The following NBAS variants were observed in gnomAD, a reference collection of about 807,000 sequenced individuals.
The protein encoded by NBAS is NAG/BC035112 fusion.
NBAS carries 219 observed loss-of-function variants against 302.5 expected under a neutral mutation model. That is an observed-to-expected ratio of 0.72 (90% confidence interval 0.65 to 0.81). The LOEUF (loss-of-function observed/expected upper bound fraction) is 0.81. Ranked by LOEUF, NBAS falls within the 30% of genes least tolerant of loss-of-function variation. The pLI, the probability that NBAS is intolerant of heterozygous loss-of-function variation, is 0.00. For missense variants in NBAS, 2,932 were observed against 2,841.6 expected (o/e 1.03, Z -0.72); for synonymous variants, 1,118 against 1,021.6 (o/e 1.09, Z -1.80).
At chr2:14,971,468 T>C in the NBAS span, among the ~76,000 whole-genome samples, 1 of 152,130 alleles carries the variant, frequency 6.6e-6, no homozygotes, top group South Asian at 2.1e-4. Context: ...TGAGCCAAGA[T>C]TGCGCCACTG....
intron 44 of NBAS, among the ~76,000 whole-genome samples, chr2:15,261,083 T>C (rs534434367): frequency 1.5e-4 from 23 of 152,294 alleles, no homozygotes; most frequent in Non-Finnish European, 2.6e-4. Context: ...CCAGCAAACA[T>C]TGGAGCCACA....
At chr2:15,172,393 C>T (rs1193279198) in intron 51 of NBAS, among the ~76,000 whole-genome samples, 1 of 152,024 alleles carries the variant, frequency 6.6e-6, no homozygotes, top group African/African-American at 2.4e-5. Context: ...AATCTTAACC[C>T]TGATTTTTGT....
At chr2:15,351,037 C>A (rs112997814) in intron 35 of NBAS, among the ~76,000 whole-genome samples, 4 of 152,116 alleles carry the variant, frequency 2.6e-5, no homozygotes, top group Non-Finnish European at 5.9e-5. Flanking sequence ...CATGTACAAA[C>A]GATGACAGTC....
the NBAS span, among the ~76,000 whole-genome samples, chr2:14,969,575 C>A: frequency 6.6e-6 from 1 of 152,054 alleles, no homozygotes; most frequent in Admixed American, 6.5e-5. Flanking sequence ...CGGGGTTTCA[C>A]CATGTTGGCC....
At chr2:14,808,909 T>C in the NBAS span, among the ~76,000 whole-genome samples, 1 of 152,206 alleles carries the variant, frequency 6.6e-6, no homozygotes, top group Non-Finnish European at 1.5e-5. Context: ...AAGAGCAACT[T>C]CTTGGGACCT....
At chr2:15,438,746 T>C (rs553616048) in intron 21 of NBAS, among the ~76,000 whole-genome samples, 13 of 152,230 alleles carry the variant, frequency 8.5e-5, no homozygotes, top group Non-Finnish European at 1.2e-4. Flanking sequence ...AGACAATGGA[T>C]CAGAGAAGAA....
At chr2:15,248,725 T>G (rs1572523347) in intron 44 of NBAS, among the ~76,000 whole-genome samples, 1 of 152,200 alleles carries the variant, frequency 6.6e-6, no homozygotes, top group East Asian at 1.9e-4. Context: ...AAGAAATGGA[T>G]AAATTCCTGG....
the NBAS span, among the ~76,000 whole-genome samples, chr2:15,009,260 A>G: frequency 1.3e-5 from 2 of 152,334 alleles, no homozygotes; most frequent in South Asian, 4.1e-4. Context: ...TAATCTATCC[A>G]AAGCAATTCT....
At chr2:15,381,371 T>G (rs1675026772) in intron 29 of NBAS, among the ~76,000 whole-genome samples, 1 of 152,220 alleles carries the variant, frequency 6.6e-6, no homozygotes, top group Non-Finnish European at 1.5e-5. Context: ...AAATCTATAT[T>G]ACTGTCTCCT....
the NBAS span, among the ~76,000 whole-genome samples, chr2:14,918,989 G>A: frequency 6.6e-6 from 1 of 152,144 alleles, no homozygotes; most frequent in African/African-American, 2.4e-5. Flanking sequence ...TTTAGATGGG[G>A]GAGGGAGGGT....
At chr2:14,865,338 G>C in the NBAS span, among the ~76,000 whole-genome samples, 1 of 152,020 alleles carries the variant, frequency 6.6e-6, no homozygotes, top group South Asian at 2.1e-4. Context: ...GGAAGCAGGT[G>C]GGGGTGGGGA....
chr2:14,797,208 C>A, the NBAS span, among the ~76,000 whole-genome samples: 42 of 152,268 alleles, frequency 2.8e-4, no homozygotes, highest in Non-Finnish European at 3.7e-4. Flanking sequence ...ACTTCAGGAC[C>A]CCTCTCCGCT....
chr2:15,368,346 C>T (rs1171787487), intron 31 of NBAS, among the ~76,000 whole-genome samples: 5 of 151,854 alleles, frequency 3.3e-5, no homozygotes, highest in Non-Finnish European at 7.4e-5. Flanking sequence ...ACTACAGGCA[C>T]GTGCCACCAC....
intron 40 of NBAS, 102 bp downstream of exon 40, chr2:15,308,114 T>C: frequency 6.5e-7 from 1 of 1,541,150 alleles, no homozygotes; most frequent in Non-Finnish European, 8.9e-7. Flanking sequence ...ACATTCTGGA[T>C]ACATATGTAA....
the NBAS span, among the ~76,000 whole-genome samples, chr2:14,972,266 G>A: frequency 6.6e-6 from 1 of 152,066 alleles, no homozygotes; most frequent in Non-Finnish European, 1.5e-5. Context: ...CACAGACACA[G>A]GGAGGGGAAC....
the NBAS span, among the ~76,000 whole-genome samples, chr2:15,117,283 T>C: frequency 2.0e-5 from 3 of 152,206 alleles, no homozygotes. Flanking sequence ...CCCTGGCAGA[T>C]AGGAAGGTAA....
intron 32 of NBAS, among the ~76,000 whole-genome samples, chr2:15,360,987 A>C (rs767994156): frequency 8.5e-5 from 13 of 152,216 alleles, no homozygotes; most frequent in Non-Finnish European, 1.6e-4. Flanking sequence ...TTTACCAAGA[A>C]TTATGTACCA....
chr2:15,047,762 A>G, the NBAS span, among the ~76,000 whole-genome samples: 1 of 152,250 alleles, frequency 6.6e-6, no homozygotes, highest in Non-Finnish European at 1.5e-5. Flanking sequence ...TGTGCACCAT[A>G]GGAGAGAACA....
intron 41 of NBAS, among the ~76,000 whole-genome samples, chr2:15,291,741 A>G (rs1039908737): frequency 5.3e-5 from 8 of 152,182 alleles, no homozygotes; most frequent in Admixed American, 1.3e-4. Flanking sequence ...AATTGTATCT[A>G]GTTTACCATA....
Sources: allele counts gnomAD v4.1 joint callset (sites outside exome capture counted in the v4.1 genomes callset), GRCh38; gene constraint gnomAD v4.1.1; transcripts MANE v1.5; gene names NCBI Gene and HGNC (gene_info 2026-07-23, HGNC 2026-07-21).